The following YPEL2 variants were observed in gnomAD, a reference collection of about 807,000 sequenced individuals.
The protein encoded by YPEL2 is yippee like 2, also known as protein yippee-like 2.
YPEL2 carries 2 observed loss-of-function variants against 19.1 expected under a neutral mutation model. That is an observed-to-expected ratio of 0.10 (90% CI 0.04 to 0.33). The LOEUF is 0.33. YPEL2 is among the 10% of genes least tolerant of loss of function. YPEL2 has a pLI of 1.00. For missense variants in YPEL2, 66 were observed against 140.7 expected, an observed-to-expected ratio of 0.47 and a Z score of 2.68; for synonymous variants, 52 against 50.0, an observed-to-expected ratio of 1.04 and a Z score of -0.17.
At chr17:59,358,278 T>C (rs1447436764) in intron 2 of YPEL2, among the ~76,000 whole-genome samples, 1 of 152,192 alleles carries the variant, frequency 6.6e-6, no homozygotes, top group East Asian at 1.9e-4. Flanking sequence ...TCCATTGGGC[T>C]TACAGTGGTG....
In YPEL2 at chr17:59,397,811, G is replaced by T. The variant is rs1289711091; in HGVS notation, c.*621G>T. 6.6e-6 allele frequency: 1 copy of T among 152,432 alleles called. No individual in the cohort carries two copies. The highest frequency in any genetic ancestry group is 2.4e-5 in the African/African-American group (1 of 41,436). 9.4% of individuals were successfully genotyped at this position (152,432 alleles called of 1,614,324 possible). ...CAAGATGTGGCCCTGATTCTAGTTG[G>T]TGGGGCAAGGGCCTGGTTCTCCTGG... On this transcript the variant is annotated 3_prime_UTR_variant, in exon 5 of 5. Coordinates refer to ENST00000312655, the MANE Select transcript of YPEL2 (RefSeq NM_001005404.4).
chr17:59,344,361 C>G (rs752103320), intron 1 of YPEL2, among the ~76,000 whole-genome samples: 4 of 152,130 alleles, frequency 2.6e-5, no homozygotes, highest in South Asian at 2.1e-4. Flanking sequence ...GATTGAGGCT[C>G]AAACAGAGAG....
At chr17:59,385,945 C>A (rs369582110) in intron 2 of YPEL2, among the ~76,000 whole-genome samples, 1 of 152,154 alleles carries the variant, frequency 6.6e-6, no homozygotes, top group Non-Finnish European at 1.5e-5. Flanking sequence ...GAAGACATGG[C>A]GCACACCTTC....
At chr17:59,359,077 C>CCA (rs1051595370) in intron 2 of YPEL2, among the ~76,000 whole-genome samples, 6 of 152,020 alleles carry the variant, frequency 3.9e-5, no homozygotes, top group African/African-American at 1.2e-4. Flanking sequence ...GTGCACATAA[C>CCA]CACACCTGGC....
chr17:59,395,345 T>C (rs909853160), intron 4 of YPEL2, among the ~76,000 whole-genome samples: 1 of 152,138 alleles, frequency 6.6e-6, no homozygotes, highest in Non-Finnish European at 1.5e-5. Flanking sequence ...GATACAACGG[T>C]GACCCAGAAC....
chr17:59,383,814 G>A (rs1409798630), intron 2 of YPEL2, among the ~76,000 whole-genome samples: 2 of 151,214 alleles, frequency 1.3e-5, no homozygotes, highest in African/African-American at 2.4e-5. Flanking sequence ...TTAGCATAAT[G>A]TATTTCAGAT....
intron 2 of YPEL2, among the ~76,000 whole-genome samples, chr17:59,380,582 T>A (rs971953921): frequency 3.1e-4 from 47 of 152,218 alleles, no homozygotes; most frequent in African/African-American, 1.1e-3. Flanking sequence ...AACTTATCTT[T>A]TACACAAATC....
At chr17:59,340,911 C>A (rs992648075) in intron 1 of YPEL2, among the ~76,000 whole-genome samples, 1 of 147,796 alleles carries the variant, frequency 6.8e-6, no homozygotes, top group African/African-American at 2.5e-5. Flanking sequence ...GACGGGGTTT[C>A]GCCATGTTGG....
chr17:59,348,385 C>T (rs748040554), intron 1 of YPEL2, among the ~76,000 whole-genome samples: 17 of 152,174 alleles, frequency 1.1e-4, no homozygotes, highest in Non-Finnish European at 1.8e-4. Context: ...TTAACAAGAG[C>T]GTCCCATCTC....
chr17:59,345,224 T>C (rs1465438893), intron 1 of YPEL2: 1 of 152,198 alleles, frequency 6.6e-6, no homozygotes, highest in Non-Finnish European at 1.5e-5. Flanking sequence ...CTAGAGATCA[T>C]GTAGGATTAT....
intron 2 of YPEL2, among the ~76,000 whole-genome samples, chr17:59,380,627 T>G (rs116746948): frequency 0.018 from 2,759 of 152,316 alleles, 89 homozygotes; most frequent in African/African-American, 0.062. Flanking sequence ...TATGCCTGTT[T>G]TACAGACTAG....
Position 59,388,366 on chromosome 17 carries a change from T to A in YPEL2, c.157T>A (p.Ser53Thr). The change falls in exon 3 of 5, where the codon TCA (serine) becomes ACA (threonine). Residue 53 changes from serine (S) to threonine (T), a missense_variant. Physicochemically the swap from Ser to Thr is moderately conservative, Grantham distance 58. Transcript: ENST00000312655. Reference sequence around the variant, plus strand: ...TCAAGGACGAGCATACCTCTTTAACTCAGTGTGAGTGCCTCTGAATGGTAC... The same window carrying A: ...TCAAGGACGAGCATACCTCTTTAACACAGTGTGAGTGCCTCTGAATGGTAC... ...GSQGRAYLFN[S>T]VVNVGCGPAE... The A allele has an allele frequency of 6.2e-7, 1 of 1,614,140 alleles. No homozygotes were observed. The highest frequency in any genetic ancestry group is 8.5e-7 in the Non-Finnish European group (1 of 1,179,990).
chr17:59,355,073 T>A (rs1382130263), intron 2 of YPEL2: 1 of 152,014 alleles, frequency 6.6e-6, no homozygotes, highest in African/African-American at 2.4e-5. Flanking sequence ...AGCAGTGCCA[T>A]GTATCATAAG....
At chr17:59,363,847 G>A (rs1363690647) in intron 2 of YPEL2, among the ~76,000 whole-genome samples, 1 of 152,182 alleles carries the variant, frequency 6.6e-6, no homozygotes, top group Non-Finnish European at 1.5e-5. Flanking sequence ...GTCTTACTCA[G>A]TAATCCTTGT....
intron 1 of YPEL2, among the ~76,000 whole-genome samples, chr17:59,334,442 G>A (rs1011319598): frequency 1.3e-5 from 2 of 151,792 alleles, no homozygotes; most frequent in African/African-American, 4.8e-5. Flanking sequence ...TTAATAAGAG[G>A]CACAAGTTCC....
chr17:59,384,280 A>G (rs751459873), intron 2 of YPEL2, among the ~76,000 whole-genome samples: 1 of 152,212 alleles, frequency 6.6e-6, no homozygotes. Context: ...CTCCATTTCA[A>G]ATTAATTTTG....
chr17:59,361,596 T>C (rs761903618), intron 2 of YPEL2, among the ~76,000 whole-genome samples: 9 of 152,188 alleles, frequency 5.9e-5, no homozygotes, highest in Non-Finnish European at 1.0e-4. Context: ...GAATGACTTA[T>C]TACTCAGATA....
chr17:59,333,839 G>A (rs1178372030), intron 1 of YPEL2, among the ~76,000 whole-genome samples: 1 of 152,184 alleles, frequency 6.6e-6, no homozygotes, highest in Non-Finnish European at 1.5e-5. Context: ...ATTTTTACCA[G>A]GGGACCTATG....
chr17:59,358,452 C>CAGTGT (rs2047824134), intron 2 of YPEL2, among the ~76,000 whole-genome samples: 1 of 151,920 alleles, frequency 6.6e-6, no homozygotes, highest in Non-Finnish European at 1.5e-5. Context: ...TGTTGTACAC[C>CAGTGT]AGTGTAGTGT....
Sources: allele counts gnomAD v4.1 joint callset (sites outside exome capture counted in the v4.1 genomes callset), GRCh38; gene constraint gnomAD v4.1.1; transcripts MANE v1.5; gene names NCBI Gene and HGNC (gene_info 2026-07-23, HGNC 2026-07-21).